ITPR2: variants seen among roughly 807,000 people sequenced by gnomAD.
ITPR2 encodes inositol 1,4,5-trisphosphate-gated calcium channel ITPR2.
Under a neutral mutation model 317.1 loss-of-function variants are expected in ITPR2, and 207 were observed. The observed-to-expected ratio is 0.65, with a 90% CI of 0.58 to 0.73. The LOEUF (loss-of-function observed/expected upper bound fraction) is 0.73. ITPR2 is among the 30% of genes least tolerant of loss of function. ITPR2 has a pLI of 0.00. For missense variants in ITPR2, 2,613 were observed against 3,284.0 expected, an observed-to-expected ratio of 0.80 and a Z score of 4.99; for synonymous variants, 1,156 against 1,149.1, an observed-to-expected ratio of 1.01 and a Z score of -0.12.
chr12:26,436,127 T>C (rs1018476678), intron 48 of ITPR2, 94 bp downstream of exon 48: 20 of 1,223,038 alleles, frequency 1.6e-5, no homozygotes, highest in South Asian at 5.4e-5. Flanking sequence ...GAAAAATCCA[T>C]TTAACAGGAA....
intron 37 of ITPR2, among the ~76,000 whole-genome samples, chr12:26,506,645 A>C (rs1479419111): frequency 6.6e-6 from 1 of 152,184 alleles, no homozygotes; most frequent in African/African-American, 2.4e-5. Context: ...AGACAATTTC[A>C]ATATTTAGCC....
intron 2 of ITPR2, among the ~76,000 whole-genome samples, chr12:26,778,293 G>A (rs1262428424): frequency 6.6e-6 from 1 of 152,150 alleles, no homozygotes; most frequent in African/African-American, 2.4e-5. Flanking sequence ...TGCCACCATC[G>A]AGGACTTGAA....
chr12:26,348,349 C>T lies in ITPR2; in HGVS notation c.7858-8021G>A, dbSNP rs186667507. On this transcript the variant is annotated intron_variant, in intron 55 of 56. Transcript: ENST00000381340. ...TGGTTATGGGGCGTGGTTATGGGGG[C>T]GTGTCTCATGTACCCCAGCACCTCT... Among the ~76,000 whole-genome samples, 24 of 152,294 alleles carry T rather than the reference C, an allele frequency of 1.6e-4. No individual in the cohort carries two copies. The East Asian group carries it at 2.5e-3, about 16-fold the overall frequency.
intron 45 of ITPR2, among the ~76,000 whole-genome samples, chr12:26,473,857 A>T (rs1295400323): frequency 6.6e-6 from 1 of 151,928 alleles, no homozygotes; most frequent in Non-Finnish European, 1.5e-5. Flanking sequence ...GCTTCCTTCC[A>T]CTTGTCCATC....
At chr12:26,479,937 A>G (rs55917881) in intron 43 of ITPR2, among the ~76,000 whole-genome samples, 8,475 of 152,228 alleles carry the variant, frequency 0.056, 357 homozygotes, top group Non-Finnish European at 0.085. Context: ...AAAGAAGCAC[A>G]TGCTTACTAA....
At chr12:26,433,347 G>T (rs767763709) in intron 48 of ITPR2, among the ~76,000 whole-genome samples, 6 of 152,110 alleles carry the variant, frequency 3.9e-5, no homozygotes, top group Admixed American at 6.6e-5. Context: ...TGATGATAGT[G>T]CACCATGTCT....
intron 35 of ITPR2, among the ~76,000 whole-genome samples, chr12:26,556,760 C>CA (rs1944674524): frequency 7.2e-6 from 1 of 139,392 alleles, no homozygotes; most frequent in South Asian, 2.5e-4. Flanking sequence ...GGGGAATACC[C>CA]AGGGAACAGC....
chr12:26,373,783 T>C (rs567857811), intron 55 of ITPR2: 1 of 151,842 alleles, frequency 6.6e-6, no homozygotes, highest in African/African-American at 2.4e-5. Context: ...CTGGAACTTT[T>C]TCAAATGTTG....
At chr12:26,813,581 A>G (rs1478923797) in intron 1 of ITPR2, among the ~76,000 whole-genome samples, 3 of 152,180 alleles carry the variant, frequency 2.0e-5, no homozygotes, top group African/African-American at 7.2e-5. Context: ...ATTTAGCCAC[A>G]CCAAACTGCT....
intron 2 of ITPR2, among the ~76,000 whole-genome samples, chr12:26,754,995 A>T (rs989993821): frequency 1.3e-5 from 2 of 152,220 alleles, no homozygotes; most frequent in Non-Finnish European, 2.9e-5. Flanking sequence ...CTTGATATTA[A>T]AATCCTACAG....
chr12:26,515,520 A>G (rs1447654120), intron 37 of ITPR2, among the ~76,000 whole-genome samples: 1 of 152,170 alleles, frequency 6.6e-6, no homozygotes, highest in Non-Finnish European at 1.5e-5. Flanking sequence ...AACAAAAAGA[A>G]GGAGAAGAAA....
At chr12:26,355,326 G>A (rs1056266516) in intron 55 of ITPR2, among the ~76,000 whole-genome samples, 2 of 152,188 alleles carry the variant, frequency 1.3e-5, no homozygotes, top group African/African-American at 2.4e-5. Flanking sequence ...TAGAGACAAG[G>A]ACATTAGGTG....
intron 2 of ITPR2, among the ~76,000 whole-genome samples, chr12:26,785,389 G>A (rs1306192573): frequency 5.1e-5 from 3 of 58,680 alleles, no homozygotes; most frequent in African/African-American, 1.4e-4. Context: ...GAAGTGAGGA[G>A]CCCCTCTGCC....
Position 26,480,527 on chromosome 12 carries a change from T to TATAATG in ITPR2, c.6123+603_6123+604insCATTAT, listed in dbSNP as rs1942522606. ...AAAATACATCAGCACCTTTTGCTTC[T>TATAATG]CCCTATAATGAAAAATATAAAATTA... is the stretch of plus-strand genomic sequence containing the variant. On this transcript the variant is annotated intron_variant, in intron 43 of 56. Transcript: ENST00000381340. Among the ~76,000 whole-genome samples, 6 of 152,220 alleles carry TATAATG rather than the reference T, an allele frequency of 3.9e-5. No homozygotes were observed. The South Asian group carries it at 1.2e-3, about 32-fold the overall frequency.
chr12:26,451,099 A>G (rs1237387748), intron 45 of ITPR2, among the ~76,000 whole-genome samples: 2 of 152,136 alleles, frequency 1.3e-5, no homozygotes, highest in South Asian at 2.1e-4. Flanking sequence ...GAAAGAAGCA[A>G]TGTTCATGTT....
chr12:26,602,776 AAAT>A, intron 26 of ITPR2, 70 bp from the exon 27 acceptor site: 1 of 614,280 alleles, frequency 1.6e-6, no homozygotes, highest in Non-Finnish European at 2.6e-6. Flanking sequence ...CTTTTGTATT[AAAT>A]AATAAATATA....
intron 39 of ITPR2, 78 bp from the exon 40 acceptor site, chr12:26,487,329 C>G (rs929620946): frequency 9.8e-7 from 1 of 1,017,846 alleles, no homozygotes; most frequent in African/African-American, 1.6e-5. Context: ...TAAACATAAG[C>G]ATTATAGGCA....
At chr12:26,623,945 A>G (rs1336223319) in intron 24 of ITPR2, among the ~76,000 whole-genome samples, 1 of 152,246 alleles carries the variant, frequency 6.6e-6, no homozygotes, top group Non-Finnish European at 1.5e-5. Context: ...TCTTGCCTCA[A>G]ATATCTAAGA....
Position 26,415,469 on chromosome 12 carries a change from AG to A in ITPR2, c.7139del (p.Thr2380IlefsTer3). On this transcript the variant is annotated frameshift_variant, in exon 51 of 57. Coordinates refer to ENST00000381340, the MANE Select transcript of ITPR2 (RefSeq NM_002223.4). LOFTEE classifies it high-confidence loss of function. ...TGACACTTTTTATGACATTCAGCAA[AG>A]TCTCTTCCCTGTACACCAAATCAAA... Reference protein sequence around the residue: ...LLFDLVYREETLLNVIKSVTR... With the variant: ...LLFDLVYREEXLLNVIKSVTR... The A allele has an allele frequency of 6.2e-7, 1 of 1,609,712 alleles. No individual in the cohort carries two copies. The highest frequency in any genetic ancestry group is 2.2e-5 in the East Asian group (1 of 44,674).
Sources: gnomAD v4.1 joint callset for allele counts (sites outside exome capture counted in the v4.1 genomes callset) on GRCh38, gnomAD v4.1.1 for gene constraint, MANE v1.5 for transcripts, NCBI Gene and HGNC (gene_info 2026-07-23, HGNC 2026-07-21) for gene names.